The following IL4R variants were observed in gnomAD, a reference collection of about 807,000 sequenced individuals.
IL4R encodes interleukin 4 receptor.
IL4R carries 17 observed loss-of-function variants against 41.5 expected under a neutral mutation model. The observed-to-expected ratio is 0.41, with a 90% CI of 0.28 to 0.61. IL4R has a LOEUF of 0.61. Ranked by LOEUF, IL4R falls within the 20% of genes least tolerant of loss-of-function variation. IL4R has a pLI of 0.31. For synonymous variants in IL4R, 402 were observed against 422.9 expected, an observed-to-expected ratio of 0.95 and a Z score of 0.61; for missense variants, 974 against 1,043.1, an observed-to-expected ratio of 0.93 and a Z score of 0.91.
chr16:27,313,939 G>C, upstream of IL4R: 1 of 984,546 alleles, frequency 1.0e-6, no homozygotes, highest in Non-Finnish European at 1.2e-6. Flanking sequence ...GCCCCGCGCG[G>C]CGCGGGCCAG....
At chr16:27,339,981 C>T (rs1353674712) in intron 2 of IL4R, among the ~76,000 whole-genome samples, 1 of 152,088 alleles carries the variant, frequency 6.6e-6, no homozygotes, top group Non-Finnish European at 1.5e-5. Context: ...CGCTTGAACC[C>T]GGGAGGTGGA....
chr16:27,353,442 T>G (rs1297048750), intron 7 of IL4R, among the ~76,000 whole-genome samples: 2 of 152,228 alleles, frequency 1.3e-5, no homozygotes, highest in African/African-American at 4.8e-5. Context: ...ATATATGTGC[T>G]TCTTTATTAA....
intron 6 of IL4R, among the ~76,000 whole-genome samples, chr16:27,348,742 G>A (rs1001163763): frequency 6.6e-6 from 1 of 152,220 alleles, no homozygotes; most frequent in Non-Finnish European, 1.5e-5. Context: ...GGCCCTGCTT[G>A]TCCAGGGAGG....
intron 1 of IL4R, chr16:27,315,521 T>G (rs8052962): frequency 0.63 from 95,778 of 152,338 alleles, 30,469 homozygotes; most frequent in African/African-American, 0.7. Flanking sequence ...TCTTCAAAGG[T>G]CACTGGGCCA....
chr16:27,362,254 A>G lies in IL4R; in HGVS notation c.902A>G (p.His301Arg), dbSNP rs767024713. ...CTGACCAACCTTTGCTTTTGCAGAC[A>G]CTGGAAGAATTGTCTTACCAAGCTC... ...SRGQEPAKCPHWKNCLTKLLP... is the reference protein window; with the variant it reads ...SRGQEPAKCPRWKNCLTKLLP... The change falls in exon 11 of 11, where the codon CAC (histidine) becomes CGC (arginine). Residue 301 changes from histidine to arginine, a missense_variant and splice_region_variant. This residue lies in a region of IL4R where 682 missense variants were observed against 704.3 expected (regional missense o/e 0.97). Transcript: ENST00000395762. 6.2e-7 allele frequency: 1 copy of G among 1,613,634 alleles called. No individual in the cohort carries two copies. Among genetic ancestry groups the G allele is most frequent in the East Asian group, 2.2e-5 (1 of 44,868 alleles).
At chr16:27,331,269 C>CT (rs1567311375) in intron 2 of IL4R, among the ~76,000 whole-genome samples, 1 of 152,076 alleles carries the variant, frequency 6.6e-6, no homozygotes, top group Non-Finnish European at 1.5e-5. Flanking sequence ...CCCCAAAACA[C>CT]TAAGGTCTCT....
intron 1 of IL4R, among the ~76,000 whole-genome samples, chr16:27,316,408 C>T (rs939554005): frequency 8.5e-5 from 13 of 152,158 alleles, no homozygotes; most frequent in Middle Eastern, 3.4e-3. Flanking sequence ...AAGAGAGAAC[C>T]TTTTCTACCT....
At chr16:27,326,090 A>G (rs1405431435) in intron 1 of IL4R, among the ~76,000 whole-genome samples, 4 of 152,042 alleles carry the variant, frequency 2.6e-5, no homozygotes, top group African/African-American at 9.7e-5. Context: ...GCCTGGTGTG[A>G]GCCCTGGCAC....
chr16:27,333,310 C>T (rs958865471), intron 2 of IL4R, among the ~76,000 whole-genome samples: 2 of 151,688 alleles, frequency 1.3e-5, no homozygotes, highest in South Asian at 2.1e-4. Context: ...CCTACACTTG[C>T]GGAACTGTTG....
chr16:27,314,583 G>A (rs535637272), intron 1 of IL4R, among the ~76,000 whole-genome samples: 5 of 152,306 alleles, frequency 3.3e-5, no homozygotes, highest in African/African-American at 1.2e-4. Context: ...GGTGCTGTGC[G>A]TCATGGACAT....
chr16:27,341,439 A>G (rs1283928609), intron 3 of IL4R: 8 of 526,150 alleles, frequency 1.5e-5, no homozygotes, highest in Non-Finnish European at 2.7e-5. Flanking sequence ...GTCAGCTGAG[A>G]TGGGCGTGGC....
At chr16:27,315,125 T>C (rs2084602089) in intron 1 of IL4R, among the ~76,000 whole-genome samples, 1 of 152,206 alleles carries the variant, frequency 6.6e-6, no homozygotes, top group African/African-American at 2.4e-5. Flanking sequence ...CTGGGAGGCA[T>C]GACCCACTGC....
At chr16:27,337,410 A>G (rs542498798) in intron 2 of IL4R, among the ~76,000 whole-genome samples, 100 of 152,232 alleles carry the variant, frequency 6.6e-4, no homozygotes, top group African/African-American at 2.3e-3. Context: ...ACCAAAAGAG[A>G]AATGCTGTTA....
At position 27,346,606 on chromosome 16, in the gene IL4R, C is replaced by T. The variant is rs2234895; in HGVS notation, c.501C>T (p.Asn167=). 128,947 of 1,613,662 alleles carry T rather than the reference C, an allele frequency of 0.08. 5,628 individuals are homozygous for T. The highest frequency in any genetic ancestry group is 0.12 in the Middle Eastern group (743 of 6,062). ...ATGCAGTCAACATTTGGAGTGAAAA[C>T]GACCCGGCAGATGTGAGTGGGCATG... ...LTYAVNIWSE[N]DPADFRIYNV... is the part of the protein sequence containing the mutation. The change falls in exon 6 of 11, where the codon AAC becomes AAT. Residue 167 remains asparagine (N), a synonymous_variant. Coordinates refer to ENST00000395762, the MANE Select transcript of IL4R (RefSeq NM_000418.4).
At position 27,345,945 on chromosome 16, in the gene IL4R, C is replaced by G. The variant is rs1375848496; in HGVS notation, c.362-522C>G. 1.3e-5 allele frequency among the ~76,000 whole-genome samples: 2 copies of G among 152,154 alleles called. No individual in the cohort carries two copies. The highest frequency in any genetic ancestry group is 1.3e-4 in the Admixed American group (2 of 15,284). ...TTAGATCATGCTACTGCCCTCCAGC[C>G]TGGGCGACAGAGTGAGATTACGTCT... On this transcript the variant is annotated intron_variant, in intron 5 of 10. Coordinates refer to ENST00000395762, the MANE Select transcript of IL4R (RefSeq NM_000418.4). The surrounding 1 kb of genome is among the most constrained non-coding windows in gnomAD (Gnocchi z 4.5).
chr16:27,315,783 G>A (rs551647043), intron 1 of IL4R, among the ~76,000 whole-genome samples: 1 of 152,306 alleles, frequency 6.6e-6, no homozygotes, highest in South Asian at 2.1e-4. Flanking sequence ...GGCTTGAGTT[G>A]TAAAAGCAAC....
At chr16:27,335,121 T>C (rs1879805202) in intron 2 of IL4R, among the ~76,000 whole-genome samples, 1 of 152,084 alleles carries the variant, frequency 6.6e-6, no homozygotes, top group African/African-American at 2.4e-5. Context: ...GATGTATGCA[T>C]CCTTGGCAGG....
intron 6 of IL4R, 104 bp downstream of exon 6, chr16:27,346,722 G>A (rs2141154877): frequency 7.8e-7 from 1 of 1,275,826 alleles, no homozygotes; most frequent in Non-Finnish European, 1.1e-6. Flanking sequence ...GGCAAGCCCT[G>A]GGGCTGGATA....
rs562919061 is a variant in IL4R at position 27,324,588 on chromosome 16, A to G, written c.-151-5478A>G. ...AGGCCCGAGTGTGCAATATGCCACA[A>G]AGATTGCAGAGAAATAAAGCAAGAT... On this transcript the variant is annotated intron_variant, in intron 1 of 10. Transcript: ENST00000395762. Among the ~76,000 whole-genome samples, 166 of 152,336 alleles carry G rather than the reference A, an allele frequency of 1.1e-3. 1 individual carries two copies. The highest frequency in any genetic ancestry group is 6.8e-3 in the Middle Eastern group (2 of 294).
Sources: gnomAD v4.1 joint callset for allele counts (sites outside exome capture counted in the v4.1 genomes callset) on GRCh38, gnomAD v4.1.1 for gene constraint, gnomAD v4.1.1 regional missense constraint, Gnocchi (gnomAD v3.1) non-coding constraint, MANE v1.5 for transcripts, NCBI Gene and HGNC (gene_info 2026-07-23, HGNC 2026-07-21) for gene names.